HARS1: variants seen among roughly 807,000 people sequenced by gnomAD.
HARS1 encodes the protein histidyl-tRNA synthetase 1, also known as histidine--tRNA ligase, cytoplasmic.
HARS1 carries 45 observed loss-of-function variants against 63.6 expected under a neutral mutation model. The observed-to-expected ratio is 0.71, with a 90% confidence interval of 0.56 to 0.91. HARS1 has a LOEUF of 0.91. Ranked by LOEUF, HARS1 falls within the 40% of genes least tolerant of loss-of-function variation. The pLI is 0.00. For missense variants in HARS1, 508 were observed against 643.2 expected (o/e 0.79, Z 2.27); for synonymous variants, 205 against 247.1 (o/e 0.83, Z 1.60).
intron 11 of HARS1, 48 bp from the exon 12 acceptor site, chr5:140,674,873 AG>A (rs768710401): frequency 6.2e-7 from 1 of 1,603,442 alleles, no homozygotes; most frequent in Admixed American, 1.7e-5. Context: ...TGCTGTCCTC[AG>A]GGACAGAGGG....
intron 2 of HARS1, among the ~76,000 whole-genome samples, chr5:140,686,587 C>G (rs985597878): frequency 1.3e-5 from 2 of 150,980 alleles, no homozygotes; most frequent in Non-Finnish European, 2.9e-5. Context: ...ATGGAAGATG[C>G]AAGTTTTCTA....
At chr5:140,678,876 T>C (rs1487186249) in intron 5 of HARS1, 126 bp downstream of exon 5, 4 of 992,190 alleles carry the variant, frequency 4.0e-6, no homozygotes, top group African/African-American at 3.3e-5. Flanking sequence ...AAAACCACCA[T>C]AGAAACCCTA....
At chr5:140,688,103 C>CAAACAAAACAAAACA (rs59554063) in intron 2 of HARS1, among the ~76,000 whole-genome samples, 17 of 150,694 alleles carry the variant, frequency 1.1e-4, no homozygotes, top group Non-Finnish European at 2.4e-4. Flanking sequence ...GACTCCGTCT[C>CAAACAAAACAAAACA]AAACAAAACA....
In HARS1 at chr5:140,679,812, G is replaced by C. The variant is rs1293599987; in HGVS notation, c.372C>G (p.Leu124=). 2 of 1,606,212 alleles carry C rather than the reference G, an allele frequency of 1.2e-6. No homozygotes were observed. The highest frequency in any genetic ancestry group is 1.7e-6 in the Non-Finnish European group (2 of 1,173,106). Residue 124 remains leucine, a synonymous_variant, in exon 4 of 13, where the codon CTC becomes CTG. Coordinates refer to ENST00000504156, the MANE Select transcript of HARS1 (RefSeq NM_002109.6). The surrounding 1 kb of genome is among the most constrained non-coding windows in gnomAD (Gnocchi z 4.3). ...IYDLKDQGGE[L]LSLRYDLTVP... ...CAGTGAGGTCATAGCGAAGGGACAG[G>C]AGCTCCCCGCCCTGGTCCTTCAGGT...
Position 140,676,781 on chromosome 5 carries a change from C to T in HARS1, c.1067G>A (p.Ser356Asn), listed in dbSNP as rs144322728. 2.3e-5 allele frequency: 37 copies of T among 1,614,148 alleles called. No homozygotes were observed. Among genetic ancestry groups the T allele is most frequent in the African/African-American group, 4.0e-5 (3 of 74,956 alleles). ...ATCATAGCGTCCTCCAGCAGCCACA[C>T]TGCCCACACCCAGGGGCTCTTCCCC... ...QAGEEPLGVG[S>N]VAAGGRYDGL... Residue 356 changes from serine (S) to asparagine (N), a missense_variant, in exon 10 of 13, where the codon AGT (serine) becomes AAT (asparagine). Physicochemically the swap from Ser to Asn is conservative, Grantham distance 46. Transcript: ENST00000504156. The surrounding 1 kb of genome is among the most constrained non-coding windows in gnomAD (Gnocchi z 4.1).
At chr5:140,683,501 C>G in intron 2 of HARS1, 27 of 1,194,216 alleles carry the variant, frequency 2.3e-5, no homozygotes, top group Non-Finnish European at 2.8e-5. Flanking sequence ...TAAACACTCT[C>G]TCTCAGATAA....
In HARS1 at chr5:140,679,910, CATA is replaced by C. The variant is rs1554107415; in HGVS notation, c.301-30_301-28del. The C allele has an allele frequency of 8.1e-7, 1 of 1,229,470 alleles. No individual in the cohort carries two copies. Among genetic ancestry groups the C allele is most frequent in the Non-Finnish European group, 1.2e-6 (1 of 834,822 alleles). 76.2% of individuals were successfully genotyped at this position (1,229,470 alleles called of 1,614,324 possible). On this transcript the variant is annotated intron_variant, in intron 3 of 12. Coordinates refer to ENST00000504156, the MANE Select transcript of HARS1 (RefSeq NM_002109.6). This position sits in a 1 kb window ranked among gnomAD's most constrained non-coding sequence, Gnocchi z 4.3. ...TGGAGAAAACATAAATAAATGTGGTCATAATAATAAACATAACAATTTAAAAGG... is the reference window on the plus strand; with the variant it reads ...TGGAGAAAACATAAATAAATGTGGTCATAATAAACATAACAATTTAAAAGG...
intron 2 of HARS1, 79 bp from the exon 3 acceptor site, chr5:140,683,298 T>C: frequency 6.9e-7 from 1 of 1,451,868 alleles, no homozygotes. Context: ...TATAAAAGGA[T>C]GACCTCAATA....
intron 2 of HARS1, among the ~76,000 whole-genome samples, chr5:140,686,431 G>A (rs866706905): frequency 2.4e-4 from 36 of 152,166 alleles, no homozygotes; most frequent in Middle Eastern, 3.4e-3. Context: ...TAGAGACAGC[G>A]TTTCACCATG....
At chr5:140,683,913 G>C in intron 2 of HARS1, 1 of 152,434 alleles carries the variant, frequency 6.6e-6, no homozygotes, top group African/African-American at 2.4e-5. Context: ...ACTTGAACCT[G>C]GGAGGCGGAG....
rs752299660 is a variant in HARS1, at chr5:140,674,228, A to C, written c.*29T>G. The C allele has an allele frequency of 1.4e-6, 2 of 1,430,838 alleles. No individual in the cohort carries two copies. The highest frequency in any genetic ancestry group is 2.0e-6 in the Non-Finnish European group (2 of 1,012,604). 88.6% of individuals were successfully genotyped at this position (1,430,838 alleles called of 1,614,324 possible). Reference sequence around the variant, plus strand: ...CTTAACCTCAAATAGTGCCAGTCCCACTTCCTTTCCTCTGATAGTTTGTTC... The same window carrying C: ...CTTAACCTCAAATAGTGCCAGTCCCCCTTCCTTTCCTCTGATAGTTTGTTC... On this transcript the variant is annotated 3_prime_UTR_variant, in exon 13 of 13. Transcript: ENST00000504156.
At position 140,676,943 on chromosome 5, in the gene HARS1, T is replaced by C; in HGVS notation, c.951+46A>G. The stretch of plus-strand genomic sequence containing the variant: ...CAGTGCCAGATTAAGATCAGGGACC[T>C]GAAGCCCCAGAGCTCAGAAGGGATC... On this transcript the variant is annotated intron_variant, in intron 9 of 12. Coordinates refer to ENST00000504156, the MANE Select transcript of HARS1 (RefSeq NM_002109.6). This position sits in a 1 kb window ranked among gnomAD's most constrained non-coding sequence, Gnocchi z 4.1. The C allele has an allele frequency of 6.2e-7, 1 of 1,613,872 alleles. No individual in the cohort carries two copies. The highest frequency in any genetic ancestry group is 8.5e-7 in the Non-Finnish European group (1 of 1,179,782).
At chr5:140,675,484 C>T (rs138067637) in intron 10 of HARS1, 321 of 164,768 alleles carry the variant, frequency 1.9e-3, no homozygotes, top group Non-Finnish European at 3.5e-3. Context: ...GCTTCGACCT[C>T]CCAAGCTCAA....
chr5:140,689,508 AG>A (rs554670020), intron 2 of HARS1, among the ~76,000 whole-genome samples: 28 of 152,322 alleles, frequency 1.8e-4, no homozygotes, highest in African/African-American at 5.5e-4. Context: ...TATGTTGCTC[AG>A]GCTGGTCTCA....
Position 140,677,902 on chromosome 5 carries a change from T to C in HARS1, c.630+6A>G. 2.3e-5 allele frequency: 37 copies of C among 1,588,786 alleles called. No homozygotes were observed. The highest frequency in any genetic ancestry group is 3.1e-5 in the Non-Finnish European group (36 of 1,157,170). On this transcript the variant is annotated splice_donor_region_variant and intron_variant, in intron 6 of 12. Coordinates refer to ENST00000504156, the MANE Select transcript of HARS1 (RefSeq NM_002109.6). ...ACTTTGCCCTCCCAGCCTTGTCAGC[T>C]CTGACCTTGACCAGGAAGTCGCCTA...
chr5:140,688,597 T>C (rs1759191970), intron 2 of HARS1, among the ~76,000 whole-genome samples: 1 of 152,236 alleles, frequency 6.6e-6, no homozygotes, highest in Non-Finnish European at 1.5e-5. Flanking sequence ...TAATATCTTT[T>C]TATGGTTGAT....
chr5:140,688,094 A>G (rs1759148761), intron 2 of HARS1, among the ~76,000 whole-genome samples: 1 of 150,852 alleles, frequency 6.6e-6, no homozygotes, highest in African/African-American at 2.4e-5. Flanking sequence ...ACAGAGCAAG[A>G]CTCCGTCTCA....
At chr5:140,683,833 AAAAC>A (rs1164232664) in intron 2 of HARS1, 3 of 152,544 alleles carry the variant, frequency 2.0e-5, no homozygotes, top group South Asian at 2.1e-4. Flanking sequence ...CTGTCTCAAT[AAAAC>A]AAACAAATGG....
Position 140,679,421 on chromosome 5 carries a change from C to G in HARS1, c.397-294G>C. 1 of 409,196 alleles carries G rather than the reference C, an allele frequency of 2.4e-6. No homozygotes were observed. The highest frequency in any genetic ancestry group is 4.4e-6 in the Non-Finnish European group (1 of 229,106). 25.3% of individuals were successfully genotyped at this position (409,196 alleles called of 1,614,324 possible). A position where few individuals can be genotyped will look rare whatever the true frequency, so the allele number is the denominator to read the frequency against. On this transcript the variant is annotated intron_variant, in intron 4 of 12. Coordinates refer to ENST00000504156, the MANE Select transcript of HARS1 (RefSeq NM_002109.6). The surrounding 1 kb of genome is among the most constrained non-coding windows in gnomAD (Gnocchi z 4.3). ...CCAGAAAAAGGCGACCAGAAAAAGG[C>G]CCCCATATGGGATTTCTAAGCAGAT...
Sources: allele counts gnomAD v4.1 joint callset (sites outside exome capture counted in the v4.1 genomes callset), GRCh38; gene constraint gnomAD v4.1.1; non-coding constraint Gnocchi (gnomAD v3.1); transcripts MANE v1.5; gene names NCBI Gene and HGNC (gene_info 2026-07-23, HGNC 2026-07-21).